The following MYO3B variants were observed in gnomAD, a reference collection of about 807,000 sequenced individuals.
MYO3B encodes myosin IIIB, also known as myosin-IIIb.
MYO3B carries 156 observed loss-of-function variants against 174.6 expected under a neutral mutation model. The observed-to-expected ratio is 0.89, with a 90% CI of 0.78 to 1.02. The LOEUF (loss-of-function observed/expected upper bound fraction) is 1.02, where lower values mean the gene tolerates loss of function less well. MYO3B is among the 50% of genes least tolerant of loss of function. The pLI is 0.00. For synonymous variants in MYO3B, 563 were observed against 569.1 expected, an observed-to-expected ratio of 0.99 and a Z score of 0.15; for missense variants, 1,632 against 1,639.4, an observed-to-expected ratio of 1.00 and a Z score of 0.08.
chr2:170,516,496 A>T (rs1195091836), intron 29 of MYO3B, among the ~76,000 whole-genome samples: 1 of 152,080 alleles, frequency 6.6e-6, no homozygotes, highest in African/African-American at 2.4e-5. Context: ...ACAAAAAATT[A>T]GGCGGGCATG....
intron 9 of MYO3B, 105 bp downstream of exon 9, chr2:170,369,482 C>T (rs560635831): frequency 7.8e-7 from 1 of 1,276,584 alleles, no homozygotes; most frequent in East Asian, 2.4e-5. Context: ...TACATTCCTG[C>T]ATTTTTAAGA....
At chr2:170,403,119 GCAGT>G in intron 19 of MYO3B, 124 bp downstream of exon 19, 1 of 879,900 alleles carries the variant, frequency 1.1e-6, no homozygotes, top group Non-Finnish European at 1.6e-6. Context: ...ATAGGGTAAG[GCAGT>G]CCTGGCTAAA....
intron 5 of MYO3B, among the ~76,000 whole-genome samples, chr2:170,215,518 G>A (rs1328318425): frequency 6.6e-6 from 1 of 151,876 alleles, no homozygotes; most frequent in Admixed American, 6.6e-5. Context: ...CAGAGTCATT[G>A]TTACAAATAA....
intron 32 of MYO3B, among the ~76,000 whole-genome samples, chr2:170,639,865 GA>G (rs1209039009): frequency 6.6e-6 from 1 of 152,098 alleles, no homozygotes; most frequent in East Asian, 1.9e-4. Context: ...TGGAATAAGA[GA>G]AATGATTTTC....
At chr2:170,479,507 A>C (rs1438806453) in intron 25 of MYO3B, among the ~76,000 whole-genome samples, 1 of 145,982 alleles carries the variant, frequency 6.9e-6, no homozygotes, top group Admixed American at 6.9e-5. Context: ...TATATGTTTT[A>C]TATATATACA....
chr2:170,596,603 T>C (rs1392086274), intron 32 of MYO3B, among the ~76,000 whole-genome samples: 8 of 152,262 alleles, frequency 5.3e-5, no homozygotes, highest in Non-Finnish European at 8.8e-5. Context: ...ATGAGGTTTA[T>C]AGGGGGAAGA....
At chr2:170,590,275 G>A (rs775117876) in intron 32 of MYO3B, among the ~76,000 whole-genome samples, 5 of 152,092 alleles carry the variant, frequency 3.3e-5, no homozygotes, top group African/African-American at 7.2e-5. Flanking sequence ...TGGGTAAAAG[G>A]ACAAAGATTT....
At chr2:170,371,328 C>G (rs2094243450) in intron 9 of MYO3B, among the ~76,000 whole-genome samples, 1 of 151,464 alleles carries the variant, frequency 6.6e-6, no homozygotes. Context: ...TTTGTTAACT[C>G]CTTTGATGTC....
At chr2:170,394,102 A>G (rs1021719399) in intron 16 of MYO3B, among the ~76,000 whole-genome samples, 3 of 152,170 alleles carry the variant, frequency 2.0e-5, no homozygotes, top group African/African-American at 7.2e-5. Flanking sequence ...CAGAGTTAAT[A>G]TTTTGTTTTC....
At chr2:170,293,733 A>G (rs1518734) in intron 7 of MYO3B, among the ~76,000 whole-genome samples, 150,557 of 152,210 alleles carry the variant, frequency 0.99, 74,483 homozygotes, top group Middle Eastern at 1. Flanking sequence ...TTGAGACCAC[A>G]GCTCCCCTGA....
At chr2:170,277,523 G>T (rs565090225) in intron 7 of MYO3B, among the ~76,000 whole-genome samples, 2 of 152,174 alleles carry the variant, frequency 1.3e-5, no homozygotes, top group African/African-American at 4.8e-5. Context: ...AACTCACTGG[G>T]CACTGCTTTA....
chr2:170,243,115 G>A (rs138315179), intron 7 of MYO3B, among the ~76,000 whole-genome samples: 94 of 152,324 alleles, frequency 6.2e-4, no homozygotes, highest in African/African-American at 2.1e-3. Flanking sequence ...CAGCATGGTT[G>A]TTTGTATCAG....
intron 6 of MYO3B, among the ~76,000 whole-genome samples, chr2:170,223,929 G>A (rs946978360): frequency 5.9e-5 from 9 of 152,164 alleles, no homozygotes; most frequent in Non-Finnish European, 1.2e-4. Flanking sequence ...CATTCTGGAT[G>A]GTAAATGGCT....
chr2:170,563,779 A>G (rs1176588941), intron 32 of MYO3B, among the ~76,000 whole-genome samples: 2 of 152,208 alleles, frequency 1.3e-5, no homozygotes, highest in Admixed American at 6.5e-5. Context: ...TCCCAAGAAC[A>G]TGAAAGATGG....
intron 25 of MYO3B, among the ~76,000 whole-genome samples, chr2:170,489,438 G>A (rs1686289913): frequency 6.6e-6 from 1 of 152,138 alleles, no homozygotes; most frequent in Non-Finnish European, 1.5e-5. Context: ...GGGGAACTTG[G>A]GTAGTCAGTG....
chr2:170,470,541 TTATGAATAATGCTGC>T (rs1380431967), intron 25 of MYO3B, among the ~76,000 whole-genome samples: 2 of 152,226 alleles, frequency 1.3e-5, no homozygotes, highest in Non-Finnish European at 2.9e-5. Flanking sequence ...TTTTTGGCTG[TTATGAATAATGCTGC>T]TATGAATATT....
intron 28 of MYO3B, among the ~76,000 whole-genome samples, chr2:170,510,062 A>G (rs1159667664): frequency 6.6e-6 from 1 of 152,206 alleles, no homozygotes; most frequent in African/African-American, 2.4e-5. Context: ...CATTCTCGTC[A>G]ATAAAGTTGT....
At chr2:170,377,981 G>A (rs2094306781) in intron 9 of MYO3B, among the ~76,000 whole-genome samples, 1 of 151,770 alleles carries the variant, frequency 6.6e-6, no homozygotes. Context: ...TTGATAATAG[G>A]TCCTATTCTC....
chr2:170,625,861 G>T (rs1244910419), intron 32 of MYO3B, among the ~76,000 whole-genome samples: 1 of 152,226 alleles, frequency 6.6e-6, no homozygotes, highest in African/African-American at 2.4e-5. Context: ...TAGTTGAGCG[G>T]TTTTGAGTGA....
Sources: allele counts gnomAD v4.1 joint callset (sites outside exome capture counted in the v4.1 genomes callset), GRCh38; gene constraint gnomAD v4.1.1; transcripts MANE v1.5; gene names NCBI Gene and HGNC (gene_info 2026-07-23, HGNC 2026-07-21).